Variants in RABGAP1L observed in about 807,000 individuals in gnomAD.
RABGAP1L encodes RAB GTPase activating protein 1 like.
In RABGAP1L, 63 loss-of-function variants were observed where a neutral mutation model predicts 137.7. The ratio of observed to expected loss-of-function variants is 0.46; its 90% CI spans 0.37 to 0.56. The LOEUF is 0.56. RABGAP1L is among the 20% of genes least tolerant of loss of function. The pLI is 0.00. For synonymous variants in RABGAP1L, 431 were observed against 433.7 expected, an observed-to-expected ratio of 0.99 and a Z score of 0.08; for missense variants, 1,095 against 1,244.0, an observed-to-expected ratio of 0.88 and a Z score of 1.80.
At chr1:174,893,444 A>T (rs1423420785) in intron 19 of RABGAP1L, among the ~76,000 whole-genome samples, 2 of 152,212 alleles carry the variant, frequency 1.3e-5, no homozygotes, top group Admixed American at 1.3e-4. Context: ...TTCCAAAGAC[A>T]ATCACTTGTT....
chr1:174,747,416 A>C (rs1221380644), intron 17 of RABGAP1L, among the ~76,000 whole-genome samples: 1 of 151,592 alleles, frequency 6.6e-6, no homozygotes, highest in African/African-American at 2.4e-5. Context: ...AAAAAAAAAA[A>C]AAAAAAAAAA....
chr1:174,724,169 A>T (rs1418002244), intron 17 of RABGAP1L, among the ~76,000 whole-genome samples: 1 of 152,226 alleles, frequency 6.6e-6, no homozygotes, highest in Non-Finnish European at 1.5e-5. Context: ...GATCATATAT[A>T]GTTAAAATTT....
chr1:174,703,967 T>G (rs759990435), intron 17 of RABGAP1L, among the ~76,000 whole-genome samples: 4 of 152,154 alleles, frequency 2.6e-5, no homozygotes, highest in Non-Finnish European at 4.4e-5. Flanking sequence ...TGTTTAAAGA[T>G]TTCTCTTTCT....
At position 174,562,491 on chromosome 1, in the gene RABGAP1L, A is replaced by T. The variant is rs147850059; in HGVS notation, c.1711-74884A>T. On this transcript the variant is annotated intron_variant, in intron 13 of 25. Transcript: ENST00000681986. Reference sequence around the variant, plus strand: ...AACTAGAAATACCATTTGATCCAGCAATCCCATTACTCAGTATATACCCAA... The same window carrying T: ...AACTAGAAATACCATTTGATCCAGCTATCCCATTACTCAGTATATACCCAA... Among the ~76,000 whole-genome samples the T allele has an allele frequency of 2.3e-3, 345 of 152,284 alleles. 2 individuals are homozygous for T. Among genetic ancestry groups the T allele is most frequent in the South Asian group, 1.9e-3 (9 of 4,828 alleles).
intron 1 of RABGAP1L, among the ~76,000 whole-genome samples, chr1:174,208,863 C>A (rs1374184726): frequency 6.6e-6 from 1 of 152,076 alleles, no homozygotes; most frequent in Non-Finnish European, 1.5e-5. Context: ...GTGGAGTTTA[C>A]CAGTGAAGTC....
chr1:174,496,883 G>C (rs1361932420), intron 13 of RABGAP1L, among the ~76,000 whole-genome samples: 1 of 152,104 alleles, frequency 6.6e-6, no homozygotes, highest in Non-Finnish European at 1.5e-5. Context: ...TGTGACAACT[G>C]CCCATCCTAC....
At chr1:174,673,483 C>A (rs566441688) in intron 14 of RABGAP1L, among the ~76,000 whole-genome samples, 4 of 152,186 alleles carry the variant, frequency 2.6e-5, no homozygotes, top group Admixed American at 1.3e-4. Context: ...GACCAAGATG[C>A]TATCAGGTAC....
At chr1:174,648,660 G>GA (rs953695053) in intron 14 of RABGAP1L, among the ~76,000 whole-genome samples, 2 of 152,064 alleles carry the variant, frequency 1.3e-5, no homozygotes, top group African/African-American at 4.8e-5. Context: ...GTGGTGCTCA[G>GA]AAAAATGTAT....
intron 14 of RABGAP1L, among the ~76,000 whole-genome samples, chr1:174,671,501 GA>G (rs1557970150): frequency 3.9e-5 from 6 of 152,132 alleles, no homozygotes; most frequent in Admixed American, 3.3e-4. Flanking sequence ...TCTAATTTGA[GA>G]GTTTTAAATC....
chr1:174,850,531 A>G (rs973910950), intron 19 of RABGAP1L, among the ~76,000 whole-genome samples: 5 of 152,166 alleles, frequency 3.3e-5, no homozygotes, highest in African/African-American at 9.7e-5. Flanking sequence ...AATTTAGAAC[A>G]TCTTTGTTTT....
At chr1:174,503,195 G>C (rs1476675289) in intron 13 of RABGAP1L, among the ~76,000 whole-genome samples, 1 of 152,196 alleles carries the variant, frequency 6.6e-6, no homozygotes, top group African/African-American at 2.4e-5. Flanking sequence ...TTGGAACACA[G>C]CTACTCCTGT....
chr1:174,639,658 T>C (rs1674362444), intron 14 of RABGAP1L, among the ~76,000 whole-genome samples: 1 of 152,124 alleles, frequency 6.6e-6, no homozygotes, highest in Non-Finnish European at 1.5e-5. Flanking sequence ...ATGGTTCTAA[T>C]GTGCTTGCAG....
chr1:174,611,419 C>T (rs1365107815), intron 13 of RABGAP1L, among the ~76,000 whole-genome samples: 1 of 151,778 alleles, frequency 6.6e-6, no homozygotes, highest in Non-Finnish European at 1.5e-5. Context: ...GTCTATATCT[C>T]TCTTTTGGTA....
At chr1:174,750,968 T>A (rs1175587497) in intron 17 of RABGAP1L, among the ~76,000 whole-genome samples, 1 of 152,232 alleles carries the variant, frequency 6.6e-6, no homozygotes, top group African/African-American at 2.4e-5. Context: ...TTTTGCTTAA[T>A]TGTAACCCAC....
At chr1:174,263,725 C>T (rs1201029388) in intron 7 of RABGAP1L, among the ~76,000 whole-genome samples, 3 of 149,186 alleles carry the variant, frequency 2.0e-5, no homozygotes, top group Admixed American at 6.7e-5. Context: ...TTTTTTTTAA[C>T]GGGGAGTAGG....
intron 13 of RABGAP1L, among the ~76,000 whole-genome samples, chr1:174,411,798 G>C (rs543300628): frequency 6.6e-6 from 1 of 152,224 alleles, no homozygotes; most frequent in African/African-American, 2.4e-5. Flanking sequence ...GGTTTTGAGA[G>C]AGCTTTTTGA....
chr1:174,372,867 T>C (rs1398273101), intron 12 of RABGAP1L, among the ~76,000 whole-genome samples: 2 of 152,216 alleles, frequency 1.3e-5, no homozygotes, highest in Non-Finnish European at 2.9e-5. Context: ...CAGTAAACTT[T>C]GCATTGCCAT....
At chr1:174,889,277 C>G (rs1031535648) in intron 19 of RABGAP1L, among the ~76,000 whole-genome samples, 2 of 151,992 alleles carry the variant, frequency 1.3e-5, no homozygotes, top group African/African-American at 4.8e-5. Context: ...ATGCCTGCCA[C>G]CACACCAGGC....
In RABGAP1L at chr1:174,296,271, G is replaced by A. The variant is rs531871669; in HGVS notation, c.1324-8715G>A. 3.3e-5 allele frequency among the ~76,000 whole-genome samples: 5 copies of A among 152,340 alleles called. No individual in the cohort carries two copies. The East Asian group carries it at 7.7e-4, about 23-fold the overall frequency. The stretch of plus-strand genomic sequence containing the variant: ...GGAATAGTGGGACAGAAGTCAGATT[G>A]CAGTTGATTTAGCGTTAGTTGATTT... On this transcript the variant is annotated intron_variant, in intron 10 of 25. Transcript: ENST00000681986.
Sources: allele counts gnomAD v4.1 joint callset (sites outside exome capture counted in the v4.1 genomes callset), GRCh38; gene constraint gnomAD v4.1.1; transcripts MANE v1.5; gene names NCBI Gene and HGNC (gene_info 2026-07-23, HGNC 2026-07-21).